Variants in OR51B5 observed in about 807,000 individuals in gnomAD.
OR51B5 encodes olfactory receptor 51B5.
For synonymous variants in OR51B5, 186 were observed against 144.8 expected, an observed-to-expected ratio of 1.28 and a Z score of -2.04; for missense variants, 456 against 374.6, an observed-to-expected ratio of 1.22 and a Z score of -1.79.
chr11:5,461,471 T>A (rs1486928756), intron 1 of OR51B5, among the ~76,000 whole-genome samples: 1 of 152,148 alleles, frequency 6.6e-6, no homozygotes, highest in Non-Finnish European at 1.5e-5. Flanking sequence ...CTGGGGCTCA[T>A]TCAGATCAGA....
At chr11:5,447,916 G>A (rs1850792281) in intron 1 of OR51B5, among the ~76,000 whole-genome samples, 1 of 152,290 alleles carries the variant, frequency 6.6e-6, no homozygotes, top group African/African-American at 2.4e-5. Flanking sequence ...TCTCAGAAGA[G>A]TAAGTCCTAG....
chr11:5,480,603 A>T (rs1851403119), intron 1 of OR51B5, among the ~76,000 whole-genome samples: 1 of 152,032 alleles, frequency 6.6e-6, no homozygotes, highest in South Asian at 2.1e-4. Flanking sequence ...AAATTGATAG[A>T]CCGCTAGCAA....
intron 1 of OR51B5, among the ~76,000 whole-genome samples, chr11:5,447,144 C>T (rs561779212): frequency 6.6e-6 from 1 of 152,302 alleles, no homozygotes; most frequent in Non-Finnish European, 1.5e-5. Flanking sequence ...AAGAATGAGG[C>T]TAACAAAATG....
At chr11:5,487,894 T>C (rs1465965371) in intron 1 of OR51B5, among the ~76,000 whole-genome samples, 1 of 152,214 alleles carries the variant, frequency 6.6e-6, no homozygotes, top group Non-Finnish European at 1.5e-5. Context: ...CTCAAATTGC[T>C]GTATATATTC....
chr11:5,352,496 G>T (rs79764028), intron 1 of OR51B5: 1 of 1,160,218 alleles, frequency 8.6e-7, no homozygotes, highest in South Asian at 1.4e-5. Context: ...TGGACAGGAT[G>T]ACAATGTTGC....
At chr11:5,425,581 T>C (rs1260654281) in intron 1 of OR51B5, among the ~76,000 whole-genome samples, 1 of 152,222 alleles carries the variant, frequency 6.6e-6, no homozygotes, top group African/African-American at 2.4e-5. Context: ...TGTTTAGATT[T>C]TGAAATAGAT....
chr11:5,400,968 A>G (rs10838005), intron 1 of OR51B5, among the ~76,000 whole-genome samples: 57,951 of 152,186 alleles, frequency 0.38, 12,761 homozygotes, highest in Non-Finnish European at 0.5. Context: ...TCGTGTGTGA[A>G]TAGGTAAGCA....
intron 1 of OR51B5, among the ~76,000 whole-genome samples, chr11:5,353,869 C>A (rs966653054): frequency 6.6e-6 from 1 of 152,080 alleles, no homozygotes; most frequent in Admixed American, 6.5e-5. Flanking sequence ...ACAGAGAAAA[C>A]AAAAATAAAA....
chr11:5,350,480 C>A (rs1474157090), intron 1 of OR51B5, among the ~76,000 whole-genome samples: 1 of 152,144 alleles, frequency 6.6e-6, no homozygotes, highest in Non-Finnish European at 1.5e-5. Flanking sequence ...CACCAACACA[C>A]AATTTATGTA....
chr11:5,458,371 T>C (rs1850993611), intron 1 of OR51B5, among the ~76,000 whole-genome samples: 1 of 152,214 alleles, frequency 6.6e-6, no homozygotes, highest in African/African-American at 2.4e-5. Context: ...CCTTATAGTA[T>C]AGTTTGAAAT....
At chr11:5,472,460 C>G (rs1008375221) in intron 1 of OR51B5, among the ~76,000 whole-genome samples, 3 of 152,064 alleles carry the variant, frequency 2.0e-5, no homozygotes, top group Non-Finnish European at 4.4e-5. Context: ...AAGTACTGCA[C>G]ACACTGCACA....
intron 1 of OR51B5, among the ~76,000 whole-genome samples, chr11:5,480,028 G>A (rs1274592306): frequency 6.6e-6 from 1 of 151,358 alleles, no homozygotes; most frequent in Non-Finnish European, 1.5e-5. Flanking sequence ...GACATCTACA[G>A]AACTCTCCAC....
chr11:5,417,018 C>A (rs1400724691), intron 1 of OR51B5, among the ~76,000 whole-genome samples: 1 of 147,634 alleles, frequency 6.8e-6, no homozygotes, highest in Admixed American at 6.8e-5. Flanking sequence ...CACTACCTGA[C>A]TTCAAACTAT....
chr11:5,357,595 T>C (rs916154963), intron 1 of OR51B5, among the ~76,000 whole-genome samples: 3 of 151,984 alleles, frequency 2.0e-5, no homozygotes, highest in Non-Finnish European at 4.4e-5. Context: ...GACAGAAAGT[T>C]AACAAGGATA....
chr11:5,412,755 G>A (rs1481212810), intron 1 of OR51B5, among the ~76,000 whole-genome samples: 1 of 151,920 alleles, frequency 6.6e-6, no homozygotes, highest in Admixed American at 6.5e-5. Context: ...ACCCGCCATT[G>A]CCCAGGCTTG....
At chr11:5,480,790 C>A (rs1318642468) in intron 1 of OR51B5, among the ~76,000 whole-genome samples, 10 of 136,264 alleles carry the variant, frequency 7.3e-5, no homozygotes, top group Admixed American at 7.7e-5. Context: ...CACATACACT[C>A]TCCCAAGACT....
chr11:5,443,355 TTTCTC>T lies in OR51B5; in HGVS notation n.84+62209_84+62213del, dbSNP rs542835202. ...AGAAGAGATTCATCTATTCCTTTGG[TTTCTC>T]TCTCCTCCCAATGAAAAGGCAAAGC... is the stretch of plus-strand genomic sequence containing the variant. On this transcript the variant is annotated intron_variant and non_coding_transcript_variant, in intron 1 of 4. Transcript: ENST00000415970. Among the ~76,000 whole-genome samples the T allele has an allele frequency of 4.6e-3, 707 of 152,224 alleles. 5 individuals are homozygous for T. The highest frequency in any genetic ancestry group is 0.015 in the Admixed American group (229 of 15,270).
intron 1 of OR51B5, among the ~76,000 whole-genome samples, chr11:5,408,577 C>A (rs1421009694): frequency 6.6e-6 from 1 of 152,104 alleles, no homozygotes; most frequent in Non-Finnish European, 1.5e-5. Flanking sequence ...ACTGGTCTGG[C>A]ACTCACAGCT....
At chr11:5,495,859 C>T (rs1006819083) in intron 1 of OR51B5, among the ~76,000 whole-genome samples, 2 of 152,176 alleles carry the variant, frequency 1.3e-5, no homozygotes, top group African/African-American at 4.8e-5. Context: ...TTTAAGGACA[C>T]GCATAGGCTG....
Sources: gnomAD v4.1 joint callset for allele counts (sites outside exome capture counted in the v4.1 genomes callset) on GRCh38, gnomAD v4.1.1 for gene constraint, MANE v1.5 for transcripts, NCBI Gene and HGNC (gene_info 2026-07-23, HGNC 2026-07-21) for gene names.